The following DIAPH1 variants were observed in gnomAD, a reference collection of about 807,000 sequenced individuals.
The protein encoded by DIAPH1 is diaphanous related formin 1.
In DIAPH1, 46 loss-of-function variants were observed where a neutral mutation model predicts 140.7. The ratio of observed to expected loss-of-function variants is 0.33; its 90% CI spans 0.26 to 0.42. The LOEUF (loss-of-function observed/expected upper bound fraction) is 0.42. Ranked by LOEUF, DIAPH1 falls within the 10% of genes least tolerant of loss-of-function variation. The pLI, the probability that DIAPH1 is intolerant of heterozygous loss-of-function variation, is 1.00. For synonymous variants in DIAPH1, 565 were observed against 551.6 expected, an observed-to-expected ratio of 1.02 and a Z score of -0.34; for missense variants, 1,310 against 1,558.7, an observed-to-expected ratio of 0.84 and a Z score of 2.69.
chr5:141,596,870 G>A (rs2099899403), intron 1 of DIAPH1, among the ~76,000 whole-genome samples: 1 of 152,180 alleles, frequency 6.6e-6, no homozygotes, highest in South Asian at 2.1e-4. Context: ...GGGGCTGGGG[G>A]AAGCAACTTG....
chr5:141,541,555 T>G (rs1019019069), intron 18 of DIAPH1, among the ~76,000 whole-genome samples: 2 of 151,166 alleles, frequency 1.3e-5, no homozygotes, highest in African/African-American at 4.9e-5. Context: ...GGTGGTGGTG[T>G]GTGCCTGTAA....
chr5:141,615,810 A>G (rs1170572736), intron 1 of DIAPH1, among the ~76,000 whole-genome samples: 1 of 152,198 alleles, frequency 6.6e-6, no homozygotes, highest in Admixed American at 6.5e-5. Flanking sequence ...CTCTCTTACA[A>G]TGCATCACTT....
intron 11 of DIAPH1, 62 bp downstream of exon 11, chr5:141,578,163 G>A (rs372415816): frequency 8.3e-7 from 1 of 1,205,394 alleles, no homozygotes; most frequent in Admixed American, 1.7e-5. Flanking sequence ...TCCACACAGG[G>A]ATCAGGGAAC....
intron 18 of DIAPH1, among the ~76,000 whole-genome samples, chr5:141,535,445 TTTG>T (rs1325508264): frequency 6.6e-6 from 1 of 152,258 alleles, no homozygotes; most frequent in African/African-American, 2.4e-5. Context: ...TTTCATGGTA[TTTG>T]TTATCTATAT....
chr5:141,578,275 C>T lies in DIAPH1; in HGVS notation c.1113G>A (p.Glu371=). Residue 371 remains glutamate (E), a synonymous_variant, in exon 11 of 28, where the codon GAG becomes GAA. Transcript: ENST00000389054. The stretch of plus-strand genomic sequence containing the variant: ...GCCGTCCCTTCAGGTCATAGGAATC[C>T]TCTTCCCCTTGTTCATCAAACACAT... ...QLNVFDEQGE[E]DSYDLKGRLD... is the part of the protein sequence containing the mutation. 1.9e-6 allele frequency: 3 copies of T among 1,614,106 alleles called. No homozygotes were observed. The highest frequency in any genetic ancestry group is 2.5e-6 in the Non-Finnish European group (3 of 1,179,996).
At position 141,573,678 on chromosome 5, in the gene DIAPH1, A is replaced by G. The variant is rs777142010; in HGVS notation, c.2172T>C (p.Pro724=). 44 of 1,602,728 alleles carry G rather than the reference A, an allele frequency of 2.7e-5. No individual in the cohort carries two copies. Among genetic ancestry groups the G allele is most frequent in the Non-Finnish European group, 3.7e-5 (43 of 1,173,308 alleles). ...PPPPPPLPGG[P]GIPPPPPFPG... is the part of the protein sequence containing the mutation. Reference sequence around the variant, plus strand: ...GAAATGGAGGAGGTGGAGGGATTCCAGGACCACCAGGAAGAGGGGGAGGAG... The same window carrying G: ...GAAATGGAGGAGGTGGAGGGATTCCGGGACCACCAGGAAGAGGGGGAGGAG... Residue 724 remains proline, a synonymous_variant, in exon 16 of 28, where the codon CCT becomes CCC. Coordinates refer to ENST00000389054, the MANE Select transcript of DIAPH1 (RefSeq NM_005219.5).
intron 1 of DIAPH1, among the ~76,000 whole-genome samples, chr5:141,612,751 T>C (rs2099902043): frequency 6.6e-6 from 1 of 152,242 alleles, no homozygotes; most frequent in South Asian, 2.1e-4. Flanking sequence ...TGCAGTTTAT[T>C]GTATTTTAAT....
At chr5:141,569,080 T>C (rs942439911) in intron 18 of DIAPH1, among the ~76,000 whole-genome samples, 1 of 152,020 alleles carries the variant, frequency 6.6e-6, no homozygotes, top group African/African-American at 2.4e-5. Context: ...TTCAAGGACA[T>C]TTGCGTCTGA....
chr5:141,614,271 T>C lies in DIAPH1; in HGVS notation c.117+4527A>G, dbSNP rs181327854. Reference sequence around the variant, plus strand: ...CTCTATAACATCTAGTATTTATCAATAAAAATTATTTTAACCTGTTCTTCT... The same window carrying C: ...CTCTATAACATCTAGTATTTATCAACAAAAATTATTTTAACCTGTTCTTCT... On this transcript the variant is annotated intron_variant, in intron 1 of 27. Coordinates refer to ENST00000389054, the MANE Select transcript of DIAPH1 (RefSeq NM_005219.5). Among the ~76,000 whole-genome samples the C allele has an allele frequency of 2.8e-3, 431 of 152,298 alleles. 2 individuals carry two copies. The highest frequency in any genetic ancestry group is 9.2e-3 in the Admixed American group (141 of 15,296).
Position 141,534,095 on chromosome 5 carries a change from T to A in DIAPH1, c.2581+240A>T, listed in dbSNP as rs79212106. Among the ~76,000 whole-genome samples, 18,077 of 150,540 alleles carry A rather than the reference T, an allele frequency of 0.12. 1,165 individuals carry two copies. Among genetic ancestry groups the A allele is most frequent in the South Asian group, 0.15 (717 of 4,788 alleles). The stretch of plus-strand genomic sequence containing the variant: ...AGACCTCCTTCTTACTAGCTTTATG[T>A]CTAAGCAAATTCCTAAAAGTCTTAG... On this transcript the variant is annotated intron_variant, in intron 19 of 27. Transcript: ENST00000389054.
chr5:141,544,207 G>A (rs1173909584), intron 18 of DIAPH1, among the ~76,000 whole-genome samples: 1 of 152,146 alleles, frequency 6.6e-6, no homozygotes, highest in African/African-American at 2.4e-5. Context: ...CTACTCGGGA[G>A]GCTGAGGCAG....
chr5:141,525,465 T>C (rs553741795), intron 26 of DIAPH1, among the ~76,000 whole-genome samples: 20 of 152,174 alleles, frequency 1.3e-4, no homozygotes, highest in South Asian at 8.3e-4. Context: ...ATTGAAACCA[T>C]ATGTTTCAAC....
At chr5:141,618,394 C>T (rs548211850) in intron 1 of DIAPH1, 2 of 158,752 alleles carry the variant, frequency 1.3e-5, no homozygotes, top group East Asian at 1.9e-4. Context: ...TACGAGAATA[C>T]CAAAAAAGGT....
In DIAPH1 at chr5:141,618,907, G is replaced by A. The variant is rs765907794; in HGVS notation, c.8C>T (p.Pro3Leu). The change falls in exon 1 of 28, where the codon CCG becomes CTG. Residue 3 changes from proline to leucine, a missense_variant. Pro to Leu is a moderately conservative substitution (Grantham distance 98). Around this residue, in one of 3 missense-constraint regions of DIAPH1, gnomAD observed 377 missense variants for 497.1 expected, o/e 0.76. Coordinates refer to ENST00000389054, the MANE Select transcript of DIAPH1 (RefSeq NM_005219.5). ME[P>L]PGGSLGPGRG... ...GCCGGGCCCCAGGCTCCCGCCGGGC[G>A]GCTCCATGTCCCGGTTCACGCTGGC... The A allele has an allele frequency of 2.0e-6, 3 of 1,509,346 alleles. No individual in the cohort carries two copies. 93.5% of individuals were successfully genotyped at this position (1,509,346 alleles called of 1,614,324 possible).
chr5:141,521,499 A>C (rs1009219362), intron 27 of DIAPH1, among the ~76,000 whole-genome samples: 1 of 152,176 alleles, frequency 6.6e-6, no homozygotes, highest in Non-Finnish European at 1.5e-5. Context: ...ACCAAGCCTG[A>C]TAGTAACTCT....
At chr5:141,566,359 A>G (rs2099894374) in intron 18 of DIAPH1, among the ~76,000 whole-genome samples, 2 of 152,224 alleles carry the variant, frequency 1.3e-5, no homozygotes, top group African/African-American at 4.8e-5. Flanking sequence ...AGTATAGAAG[A>G]GTGGATATGA....
chr5:141,606,819 G>C (rs1354799658), intron 1 of DIAPH1, among the ~76,000 whole-genome samples: 1 of 151,770 alleles, frequency 6.6e-6, no homozygotes, highest in Non-Finnish European at 1.5e-5. Context: ...AGTTCTTCTG[G>C]TCACATATAG....
chr5:141,571,853 G>A (rs2099895237), intron 17 of DIAPH1, 73 bp downstream of exon 17: 1 of 1,061,496 alleles, frequency 9.4e-7, no homozygotes. Context: ...GGAAGGGAAG[G>A]GAATAGGAAA....
rs192238928 is a variant in DIAPH1, at chr5:141,611,867, G to C, written c.117+6931C>G. Among the ~76,000 whole-genome samples, 581 of 152,294 alleles carry C rather than the reference G, an allele frequency of 3.8e-3. 4 individuals carry two copies. Among genetic ancestry groups the C allele is most frequent in the Admixed American group, 0.011 (167 of 15,300 alleles). The stretch of plus-strand genomic sequence containing the variant: ...GGATCACCTGAAGTTAGGAGTTCAA[G>C]ACCAGCTTGGCCAACATGATGAAAC... On this transcript the variant is annotated intron_variant, in intron 1 of 27. Coordinates refer to ENST00000389054, the MANE Select transcript of DIAPH1 (RefSeq NM_005219.5).
Sources: gnomAD v4.1 joint callset for allele counts (sites outside exome capture counted in the v4.1 genomes callset) on GRCh38, gnomAD v4.1.1 for gene constraint, gnomAD v4.1.1 regional missense constraint, MANE v1.5 for transcripts, NCBI Gene and HGNC (gene_info 2026-07-23, HGNC 2026-07-21) for gene names.